Variants in PLPPR1 observed in about 807,000 individuals in gnomAD.
PLPPR1 encodes the protein phospholipid phosphatase related 1.
Under a neutral mutation model 33.1 loss-of-function variants are expected in PLPPR1, and 10 were observed. That is an observed-to-expected ratio of 0.30 (90% CI 0.19 to 0.51). PLPPR1 has a LOEUF of 0.51. Ranked by LOEUF, PLPPR1 falls within the 20% of genes least tolerant of loss-of-function variation. PLPPR1 has a pLI of 0.97. For missense variants in PLPPR1, 304 were observed against 408.1 expected, an observed-to-expected ratio of 0.74 and a Z score of 2.20; for synonymous variants, 151 against 151.0, an observed-to-expected ratio of 1.00 and a Z score of 0.00.
chr9:101,206,574 G>T (rs1466306662), intron 2 of PLPPR1, among the ~76,000 whole-genome samples: 2 of 152,124 alleles, frequency 1.3e-5, no homozygotes, highest in African/African-American at 4.8e-5. Context: ...CCACAGCAAG[G>T]GGGCAGAGGT....
At chr9:101,231,806 C>T (rs915277172) in intron 2 of PLPPR1, among the ~76,000 whole-genome samples, 7 of 151,984 alleles carry the variant, frequency 4.6e-5, no homozygotes, top group Non-Finnish European at 1.0e-4. Context: ...AGTCGATTTT[C>T]CTTCCTGTTG....
At chr9:101,256,575 C>A (rs1827807266) in intron 2 of PLPPR1, among the ~76,000 whole-genome samples, 1 of 152,090 alleles carries the variant, frequency 6.6e-6, no homozygotes, top group African/African-American at 2.4e-5. Context: ...GCAGAAATTC[C>A]AGGGGTGGTG....
chr9:101,069,609 T>C (rs1374487971), intron 1 of PLPPR1, among the ~76,000 whole-genome samples: 1 of 152,050 alleles, frequency 6.6e-6, no homozygotes, highest in Admixed American at 6.6e-5. Flanking sequence ...CTCTCAGAAT[T>C]TTGGATTTGA....
chr9:101,317,304 CAG>C, intron 6 of PLPPR1, 59 bp from the exon 7 acceptor site: 3 of 1,552,506 alleles, frequency 1.9e-6, no homozygotes, highest in Non-Finnish European at 2.6e-6. Context: ...GCCACCCTCA[CAG>C]ATGCCAGGCA....
At chr9:101,144,277 C>T (rs769943564) in intron 1 of PLPPR1, among the ~76,000 whole-genome samples, 5 of 150,892 alleles carry the variant, frequency 3.3e-5, no homozygotes, top group South Asian at 2.1e-4. Context: ...GGGTGGGGAG[C>T]GGGGAGGGAT....
intron 1 of PLPPR1, among the ~76,000 whole-genome samples, chr9:101,092,123 C>T (rs1040970171): frequency 1.3e-5 from 2 of 152,122 alleles, no homozygotes; most frequent in African/African-American, 4.8e-5. Context: ...CCTCTGGGCC[C>T]GTACACCTGT....
chr9:101,238,805 A>T (rs185869359), intron 2 of PLPPR1, among the ~76,000 whole-genome samples: 23 of 152,056 alleles, frequency 1.5e-4, no homozygotes, highest in Admixed American at 5.3e-4. Context: ...GATTATTGTT[A>T]GCCATACTTA....
Position 101,244,379 on chromosome 9 carries a change from C to T in PLPPR1, c.64-25501C>T, listed in dbSNP as rs568704841. ...TGAAGAGATTCAAGATTCAGAAAGACGAAAAATAATTAATAGGGTTACAAG... is the reference window on the plus strand; with the variant it reads ...TGAAGAGATTCAAGATTCAGAAAGATGAAAAATAATTAATAGGGTTACAAG... On this transcript the variant is annotated intron_variant, in intron 2 of 7. Transcript: ENST00000374874. Among the ~76,000 whole-genome samples, 62 of 151,520 alleles carry T rather than the reference C, an allele frequency of 4.1e-4. No individual in the cohort carries two copies. In the South Asian group the frequency reaches 0.01, roughly 25 times the overall value.
intron 1 of PLPPR1, among the ~76,000 whole-genome samples, chr9:101,045,690 G>C (rs1439976762): frequency 1.3e-5 from 2 of 152,328 alleles, no homozygotes; most frequent in Middle Eastern, 3.4e-3. Flanking sequence ...GCACTGCCTT[G>C]TGGACATAGT....
intron 2 of PLPPR1, among the ~76,000 whole-genome samples, chr9:101,263,188 C>T (rs1383009505): frequency 6.6e-6 from 1 of 152,078 alleles, no homozygotes; most frequent in African/African-American, 2.4e-5. Context: ...AATAACAGCA[C>T]CATGATACTC....
At chr9:101,254,762 T>G (rs914055351) in intron 2 of PLPPR1, among the ~76,000 whole-genome samples, 1 of 152,198 alleles carries the variant, frequency 6.6e-6, no homozygotes, top group East Asian at 1.9e-4. Context: ...TTAACAATTA[T>G]GTAATATTCC....
intron 2 of PLPPR1, among the ~76,000 whole-genome samples, chr9:101,192,825 T>A (rs184085150): frequency 1.2e-3 from 185 of 152,266 alleles, no homozygotes; most frequent in African/African-American, 4.2e-3. Flanking sequence ...GTAATAAAAA[T>A]TTTTGAGAGT....
intron 2 of PLPPR1, among the ~76,000 whole-genome samples, chr9:101,235,870 A>G (rs1341765): frequency 0.072 from 10,888 of 151,872 alleles, 482 homozygotes; most frequent in South Asian, 0.22. Flanking sequence ...TTGCTAAAGC[A>G]GCTATGAAGT....
intron 1 of PLPPR1, among the ~76,000 whole-genome samples, chr9:101,184,524 G>C (rs1475471691): frequency 1.3e-5 from 2 of 151,856 alleles, no homozygotes; most frequent in Non-Finnish European, 2.9e-5. Context: ...GGATGACAGA[G>C]AAACAGAACA....
chr9:101,100,573 G>A (rs577536757), intron 1 of PLPPR1, among the ~76,000 whole-genome samples: 21 of 151,842 alleles, frequency 1.4e-4, no homozygotes, highest in African/African-American at 4.6e-4. Context: ...TAATTATTAC[G>A]GAAATGTATT....
intron 2 of PLPPR1, among the ~76,000 whole-genome samples, chr9:101,242,934 G>A (rs1394734759): frequency 1.3e-5 from 2 of 152,010 alleles, no homozygotes; most frequent in Admixed American, 1.3e-4. Flanking sequence ...AAGGCTCTAA[G>A]TGAACACAGA....
intron 1 of PLPPR1, among the ~76,000 whole-genome samples, chr9:101,157,796 G>A (rs1470471285): frequency 6.6e-6 from 1 of 151,990 alleles, no homozygotes; most frequent in African/African-American, 2.4e-5. Context: ...GAGGCTGGGA[G>A]TTGAGACCAG....
At chr9:101,120,507 A>G (rs1437826106) in intron 1 of PLPPR1, among the ~76,000 whole-genome samples, 2 of 152,186 alleles carry the variant, frequency 1.3e-5, no homozygotes, top group Admixed American at 6.5e-5. Context: ...ATCTTTTTCA[A>G]TGACTTATCC....
At chr9:101,136,768 AT>A (rs1250818044) in intron 1 of PLPPR1, among the ~76,000 whole-genome samples, 4 of 152,120 alleles carry the variant, frequency 2.6e-5, no homozygotes, top group Non-Finnish European at 5.9e-5. Flanking sequence ...AGTCAAGTTG[AT>A]CTTCTTGGGG....
Sources: allele counts gnomAD v4.1 joint callset (sites outside exome capture counted in the v4.1 genomes callset), GRCh38; gene constraint gnomAD v4.1.1; transcripts MANE v1.5; gene names NCBI Gene and HGNC (gene_info 2026-07-23, HGNC 2026-07-21).